ANO4: variants seen among roughly 807,000 people sequenced by gnomAD.
ANO4 encodes the protein anoctamin-4.
In ANO4, 69 loss-of-function variants were observed where a neutral mutation model predicts 141.9. The ratio of observed to expected loss-of-function variants is 0.49; its 90% CI spans 0.40 to 0.59. The LOEUF (loss-of-function observed/expected upper bound fraction) is 0.59, where lower values mean the gene tolerates loss of function less well. Ranked by LOEUF, ANO4 falls within the 20% of genes least tolerant of loss-of-function variation. The pLI is 0.00. For missense variants in ANO4, 894 were observed against 1,162.2 expected (o/e 0.77, Z 3.36); for synonymous variants, 350 against 394.3 (o/e 0.89, Z 1.33).
intron 5 of ANO4, among the ~76,000 whole-genome samples, chr12:100,960,276 A>ACACC (rs1297043819): frequency 2.6e-5 from 4 of 151,890 alleles, no homozygotes; most frequent in Non-Finnish European, 5.9e-5. Context: ...ACACACACAC[A>ACACC]CCCTATAAAG....
intron 2 of ANO4, among the ~76,000 whole-genome samples, chr12:100,910,694 T>C (rs1322206105): frequency 2.0e-5 from 3 of 152,274 alleles, no homozygotes; most frequent in East Asian, 3.9e-4. Flanking sequence ...CTATGCCATA[T>C]AAAATAGAAT....
chr12:100,958,050 C>A (rs1283935597), intron 5 of ANO4, among the ~76,000 whole-genome samples: 1 of 152,118 alleles, frequency 6.6e-6, no homozygotes, highest in African/African-American at 2.4e-5. Flanking sequence ...CATTACTTAG[C>A]TTTGATTCTG....
chr12:101,031,401 ACT>A (rs2046968946), intron 9 of ANO4, among the ~76,000 whole-genome samples: 1 of 152,036 alleles, frequency 6.6e-6, no homozygotes, highest in Non-Finnish European at 1.5e-5. Flanking sequence ...CATGCTAAAA[ACT>A]CTCAATAAAC....
At chr12:101,034,666 T>C (rs2047122630) in intron 9 of ANO4, among the ~76,000 whole-genome samples, 3 of 152,018 alleles carry the variant, frequency 2.0e-5, no homozygotes, top group African/African-American at 7.2e-5. Context: ...TTTCAAAAAA[T>C]ATGGCTAGTA....
intron 3 of ANO4, among the ~76,000 whole-genome samples, chr12:100,773,625 G>C (rs1386984201): frequency 1.3e-5 from 2 of 152,096 alleles, no homozygotes; most frequent in Non-Finnish European, 2.9e-5. Context: ...GACCTATCCA[G>C]AAAAGTTCCC....
At chr12:101,111,771 CACTCAG>C (rs2050675141) in intron 24 of ANO4, 61 bp downstream of exon 24, 8 of 1,474,846 alleles carry the variant, frequency 5.4e-6, no homozygotes. Context: ...TGAGGTTGGA[CACTCAG>C]ACAGAAGACT....
At chr12:100,740,012 G>A (rs944311071) in exon 3 of ANO4, 29 of 702,414 alleles carry the variant, frequency 4.1e-5, no homozygotes, top group Non-Finnish European at 7.0e-5. Context: ...GACTGACCAG[G>A]CCACACCTTT....
intron 8 of ANO4, among the ~76,000 whole-genome samples, chr12:101,019,462 A>G (rs1300180317): frequency 1.3e-5 from 2 of 152,196 alleles, no homozygotes; most frequent in African/African-American, 4.8e-5. Flanking sequence ...TGGGAGGCAA[A>G]TCAATCTTAA....
chr12:101,116,841 C>G, intron 25 of ANO4, 43 bp downstream of exon 25: 1 of 1,613,020 alleles, frequency 6.2e-7, no homozygotes. Context: ...GCTGGGCTGG[C>G]TCCACCGTGG....
At position 100,823,562 on chromosome 12, in the gene ANO4, AG is replaced by A. The variant is rs1593432885; in HGVS notation, c.-141+28537del. On this transcript the variant is annotated intron_variant, in intron 1 of 27. Transcript: ENST00000392977. ...AGATAGAAATCCGGGAAATTGCAAA[AG>A]GTTTACAGTCTTTCCATAGACTAAA... is the stretch of plus-strand genomic sequence containing the variant. Among the ~76,000 whole-genome samples the A allele has an allele frequency of 2.0e-5, 3 of 152,026 alleles. No homozygotes were observed. The East Asian group carries it at 5.8e-4, about 29-fold the overall frequency.
intron 5 of ANO4, among the ~76,000 whole-genome samples, chr12:100,947,037 A>T (rs2042754799): frequency 1.3e-5 from 2 of 152,218 alleles, no homozygotes; most frequent in South Asian, 4.1e-4. Context: ...TGAAAGCTTC[A>T]TTAAAGTGTC....
chr12:101,039,968 G>A lies in ANO4; in HGVS notation c.911G>A (p.Ser304Asn). Residue 304 changes from serine (S) to asparagine (N), a missense_variant, in exon 11 of 28, where the codon AGT becomes AAT. Physicochemically the swap from Ser to Asn is conservative, Grantham distance 46. Around this residue, in one of 2 missense-constraint regions of ANO4, gnomAD observed 637 missense variants for 909.2 expected, o/e 0.70. Coordinates refer to ENST00000392977, the MANE Select transcript of ANO4 (RefSeq NM_001286615.2). ...TTTTTATCCCAGGGAAGTTATAGAA[G>A]TAAAAACTCCATTCGAACCCATGGA... ...AFPLHEGSYR[S>N]KNSIRTHGAE... 1 of 1,612,246 alleles carries A rather than the reference G, an allele frequency of 6.2e-7. No individual in the cohort carries two copies. Among genetic ancestry groups the A allele is most frequent in the Non-Finnish European group, 8.5e-7 (1 of 1,178,744 alleles).
chr12:100,730,063 A>G (rs2031319416), intron 1 of ANO4, among the ~76,000 whole-genome samples: 2 of 151,818 alleles, frequency 1.3e-5, no homozygotes, highest in Admixed American at 6.6e-5. Context: ...GATTGTATAC[A>G]TTTTTTGGTG....
At chr12:100,927,085 G>A (rs533427) in intron 3 of ANO4, among the ~76,000 whole-genome samples, 74 of 151,886 alleles carry the variant, frequency 4.9e-4, no homozygotes, top group Admixed American at 4.6e-4. Context: ...TTGAGTGAAC[G>A]TGTGGAATCA....
In ANO4 at chr12:100,921,546, C is replaced by T. The variant is rs78635425; in HGVS notation, c.56-680C>T. 2.1e-3 allele frequency among the ~76,000 whole-genome samples: 325 copies of T among 152,196 alleles called. 3 individuals carry two copies. The East Asian group carries it at 0.044, about 21-fold the overall frequency. On this transcript the variant is annotated intron_variant, in intron 2 of 27. Coordinates refer to ENST00000392977, the MANE Select transcript of ANO4 (RefSeq NM_001286615.2). ...TAGAAGGTTTGGAAGGTTTATTGTT[C>T]GTGATAAAGCTACTTTTTGATACCT...
At chr12:101,047,584 A>T (rs2047683019) in intron 13 of ANO4, among the ~76,000 whole-genome samples, 1 of 152,168 alleles carries the variant, frequency 6.6e-6, no homozygotes, top group Non-Finnish European at 1.5e-5. Context: ...CCCCCAAAAA[A>T]GGTTATTCTT....
At position 100,777,849 on chromosome 12, in the gene ANO4, C is replaced by T. The variant is rs1219507418; in HGVS notation, c.358+37744C>T. Among the ~76,000 whole-genome samples the T allele has an allele frequency of 1.5e-4, 23 of 151,806 alleles. 1 individual carries two copies. Among genetic ancestry groups the T allele is most frequent in the Admixed American group, 1.4e-3 (22 of 15,250 alleles). ...GTTCAGGAATGTTCTTACTTATCAT[C>T]ACATTGTGAGAGTCTCTCACAAGCT... On this transcript the variant is annotated intron_variant, in intron 3 of 29. Coordinates refer to the ANO4 transcript ENST00000644049.
intron 1 of ANO4, among the ~76,000 whole-genome samples, chr12:100,829,132 T>A (rs1258199032): frequency 6.6e-6 from 1 of 152,048 alleles, no homozygotes; most frequent in African/African-American, 2.4e-5. Context: ...TTTCTTTAAA[T>A]AAATTAGTAG....
At chr12:101,063,780 C>CTTTTTTTT (rs2048457804) in intron 14 of ANO4, among the ~76,000 whole-genome samples, 3 of 22,076 alleles carry the variant, frequency 1.4e-4, no homozygotes, top group Non-Finnish European at 1.8e-4. Context: ...TTTTTTTTTG[C>CTTTTTTTT]CTTTGAAAGA....
Sources: allele counts gnomAD v4.1 joint callset (sites outside exome capture counted in the v4.1 genomes callset), GRCh38; gene constraint gnomAD v4.1.1; regional missense constraint gnomAD v4.1.1; transcripts MANE v1.5; gene names NCBI Gene and HGNC (gene_info 2026-07-23, HGNC 2026-07-21).